MCPH1: variants seen among roughly 807,000 people sequenced by gnomAD.
MCPH1 encodes the protein microcephalin.
In MCPH1, 104 loss-of-function variants were observed where a neutral mutation model predicts 84.5. The ratio of observed to expected loss-of-function variants is 1.23; its 90% CI spans 1.05 to 1.45. The LOEUF (loss-of-function observed/expected upper bound fraction) is 1.45. Ranked by LOEUF, MCPH1 falls within the 40% of genes most tolerant of loss-of-function variation. The pLI is 0.00. For missense variants in MCPH1, 1,498 were observed against 1,005.7 expected, an observed-to-expected ratio of 1.49 and a Z score of -6.62; for synonymous variants, 514 against 366.8, an observed-to-expected ratio of 1.40 and a Z score of -4.58.
Position 6,513,684 on chromosome 8 carries a change from T to C in MCPH1, c.2214+13755T>C, listed in dbSNP as rs769612090. 8.1e-6 allele frequency: 13 copies of C among 1,609,010 alleles called. No homozygotes were observed. In the Admixed American group the frequency reaches 1.0e-4, roughly 13 times the overall value. ...TTACCATGAACTCACTTACCTATAATTGAGTTCTTCACTTGAGAGATAGAA... is the reference window on the plus strand; with the variant it reads ...TTACCATGAACTCACTTACCTATAACTGAGTTCTTCACTTGAGAGATAGAA... On this transcript the variant is annotated intron_variant, in intron 12 of 13. Transcript: ENST00000344683.
rs2433150 is a variant in MCPH1 at position 6,644,631 on chromosome 8, G to A, written c.*1582G>A. 29,930 of 152,056 alleles carry A rather than the reference G, an allele frequency of 0.2. 3,087 individuals are homozygous for A. The highest frequency in any genetic ancestry group is 0.24 in the African/African-American group (9,891 of 41,452). 9.4% of individuals were successfully genotyped at this position (152,056 alleles called of 1,614,324 possible). A position where few individuals can be genotyped will look rare whatever the true frequency, so the allele number is the denominator to read the frequency against. Reference sequence around the variant, plus strand: ...ATACCTAGGAACACGTATAACCAAGGAGGCAAAGGATCTCTACAAGGAGAA... The same window carrying A: ...ATACCTAGGAACACGTATAACCAAGAAGGCAAAGGATCTCTACAAGGAGAA... On this transcript the variant is annotated 3_prime_UTR_variant, in exon 14 of 14. Transcript: ENST00000344683.
intron 12 of MCPH1, among the ~76,000 whole-genome samples, chr8:6,544,931 A>G (rs562198937): frequency 2.4e-4 from 37 of 152,340 alleles, no homozygotes; most frequent in African/African-American, 8.2e-4. Context: ...TGTTCTCACA[A>G]TGGAATTATT....
At chr8:6,408,116 T>C (rs999264804) in intron 1 of MCPH1, among the ~76,000 whole-genome samples, 1 of 152,198 alleles carries the variant, frequency 6.6e-6, no homozygotes, top group Non-Finnish European at 1.5e-5. Flanking sequence ...AGCGTAAGAA[T>C]TTGGGGAAAG....
chr8:6,414,655 C>T (rs563048600), intron 2 of MCPH1, 110 bp from the exon 3 acceptor site: 4 of 1,179,212 alleles, frequency 3.4e-6, no homozygotes, highest in African/African-American at 1.5e-5. Context: ...GAGTGTTTCT[C>T]TGTCAGATGT....
In MCPH1 at chr8:6,530,905, C is replaced by G. The variant is rs545126825; in HGVS notation, c.2214+30976C>G. Among the ~76,000 whole-genome samples the G allele has an allele frequency of 9.8e-5, 15 of 152,324 alleles. No individual in the cohort carries two copies. In the East Asian group the frequency reaches 2.1e-3, roughly 22 times the overall value. ...CTTATGGCATCTCCCCTCTCATGTC[C>G]TCTCCTGGCTGACGTCTAGCATTTC... On this transcript the variant is annotated intron_variant, in intron 12 of 13. Coordinates refer to ENST00000344683, the MANE Select transcript of MCPH1 (RefSeq NM_024596.5).
At chr8:6,626,641 T>G (rs1832108617) in intron 13 of MCPH1, 1 of 984,946 alleles carries the variant, frequency 1.0e-6, no homozygotes, top group Non-Finnish European at 1.2e-6. Flanking sequence ...TGCTAATGGT[T>G]GCATTTTCCC....
At chr8:6,472,225 C>G (rs73518764) in intron 9 of MCPH1, among the ~76,000 whole-genome samples, 9 of 152,138 alleles carry the variant, frequency 5.9e-5, no homozygotes, top group Middle Eastern at 3.4e-3. Flanking sequence ...TTAGAATAGA[C>G]CAAGAATATC....
rs754632947 is a variant in MCPH1, at chr8:6,643,096, G to A, written c.*47G>A. The A allele has an allele frequency of 1.3e-6, 2 of 1,501,316 alleles. No individual in the cohort carries two copies. Among genetic ancestry groups the A allele is most frequent in the South Asian group, 2.3e-5 (2 of 88,176 alleles). The allele number at this position is 1,501,316 out of a possible 1,614,324, so 93.0% of individuals were successfully genotyped here. ...GTGACTGCACACAGCTCGCAAAACT[G>A]TCTTTGGATGTTCAAATGAGAAACA... is the stretch of plus-strand genomic sequence containing the variant. On this transcript the variant is annotated 3_prime_UTR_variant, in exon 14 of 14. Coordinates refer to ENST00000344683, the MANE Select transcript of MCPH1 (RefSeq NM_024596.5).
At position 6,414,865 on chromosome 8, in the gene MCPH1, C is replaced by T. The variant is rs387906961; in HGVS notation, c.215C>T (p.Ser72Leu). The T allele has an allele frequency of 8.7e-6, 14 of 1,613,304 alleles. No homozygotes were observed. The highest frequency in any genetic ancestry group is 2.2e-5 in the East Asian group (1 of 44,878). ...CAGAAGAGAGGCGTAAAGCTCGTTTCGGTGCTCTGGGTGGAAAAGTAAGCA... is the reference window on the plus strand; with the variant it reads ...CAGAAGAGAGGCGTAAAGCTCGTTTTGGTGCTCTGGGTGGAAAAGTAAGCA... ...KAQKRGVKLV[S>L]VLWVEKCRTA... Residue 72 changes from serine (S) to leucine (L), a missense_variant, in exon 3 of 14, where the codon TCG (serine) becomes TTG (leucine). Ser to Leu is a moderately radical substitution (Grantham distance 145). Coordinates refer to ENST00000344683, the MANE Select transcript of MCPH1 (RefSeq NM_024596.5).
intron 12 of MCPH1, among the ~76,000 whole-genome samples, chr8:6,575,070 G>T (rs1353165286): frequency 2.6e-5 from 4 of 152,156 alleles, no homozygotes; most frequent in Admixed American, 2.6e-4. Flanking sequence ...CTAGCAGAGA[G>T]GCAATGCATG....
intron 12 of MCPH1, among the ~76,000 whole-genome samples, chr8:6,585,627 C>A (rs1384595651): frequency 6.6e-6 from 1 of 152,234 alleles, no homozygotes; most frequent in Admixed American, 6.5e-5. Flanking sequence ...TGACATCAGG[C>A]ATCACTTTCA....
chr8:6,642,181 T>TC (rs1797978915), intron 13 of MCPH1, among the ~76,000 whole-genome samples: 2 of 152,234 alleles, frequency 1.3e-5, no homozygotes, highest in African/African-American at 4.8e-5. Context: ...AATTATATAT[T>TC]CACACAATCA....
intron 12 of MCPH1, among the ~76,000 whole-genome samples, chr8:6,595,460 G>A (rs1443297167): frequency 2.6e-5 from 4 of 152,192 alleles, no homozygotes; most frequent in African/African-American, 9.7e-5. Flanking sequence ...GTGTTCCCTG[G>A]AGAGGGAGCT....
At chr8:6,490,780 T>TAATG (rs1309700457) in intron 11 of MCPH1, among the ~76,000 whole-genome samples, 1 of 152,136 alleles carries the variant, frequency 6.6e-6, no homozygotes, top group Non-Finnish European at 1.5e-5. Context: ...GAGAATTATG[T>TAATG]AATGCGGTTT....
At chr8:6,537,426 T>C (rs1820705143) in intron 12 of MCPH1, among the ~76,000 whole-genome samples, 1 of 152,104 alleles carries the variant, frequency 6.6e-6, no homozygotes, top group East Asian at 1.9e-4. Flanking sequence ...TCCTTCTAGC[T>C]GCATGGTTTG....
chr8:6,642,551 G>C (rs1563230853), intron 13 of MCPH1: 4 of 253,832 alleles, frequency 1.6e-5, no homozygotes, highest in East Asian at 1.7e-4. Flanking sequence ...AGATAGGATA[G>C]CACGGCCTAC....
At chr8:6,497,453 G>C (rs1319411839) in intron 11 of MCPH1, among the ~76,000 whole-genome samples, 2 of 152,172 alleles carry the variant, frequency 1.3e-5, no homozygotes, top group African/African-American at 2.4e-5. Context: ...AGTGAGCCAA[G>C]ATTACACCAC....
chr8:6,590,133 C>G (rs1282681098), intron 12 of MCPH1, among the ~76,000 whole-genome samples: 2 of 151,044 alleles, frequency 1.3e-5, no homozygotes, highest in Non-Finnish European at 2.9e-5. Context: ...GTAAAGCACA[C>G]CAAGCTGAAA....
At chr8:6,521,669 C>G (rs760858258) in intron 12 of MCPH1, among the ~76,000 whole-genome samples, 2 of 152,166 alleles carry the variant, frequency 1.3e-5, no homozygotes, top group Non-Finnish European at 2.9e-5. Flanking sequence ...GGTACCCCAT[C>G]TGGTCCAGGA....
Sources: allele counts gnomAD v4.1 joint callset (sites outside exome capture counted in the v4.1 genomes callset), GRCh38; gene constraint gnomAD v4.1.1; transcripts MANE v1.5; gene names NCBI Gene and HGNC (gene_info 2026-07-23, HGNC 2026-07-21).